Variants in ITPR1 observed in about 807,000 individuals in gnomAD.
ITPR1 encodes the protein inositol 1,4,5-trisphosphate receptor type 1.
Under a neutral mutation model 318.4 loss-of-function variants are expected in ITPR1, and 96 were observed. The ratio of observed to expected loss-of-function variants is 0.30; its 90% CI spans 0.26 to 0.36. ITPR1 has a LOEUF of 0.36. Among genes scored for constraint, ITPR1 ranks in the 10% least tolerant of loss-of-function variants. The pLI is 1.00. For synonymous variants in ITPR1, 1,312 were observed against 1,289.9 expected (o/e 1.02, Z -0.37); for missense variants, 2,440 against 3,460.2 (o/e 0.71, Z 7.40).
chr3:4,830,213 T>C (rs894939465), intron 60 of ITPR1, among the ~76,000 whole-genome samples: 10 of 152,020 alleles, frequency 6.6e-5, no homozygotes, highest in Admixed American at 2.6e-4. Flanking sequence ...TGACCTCAGG[T>C]GATCCGTCCA....
intron 40 of ITPR1, among the ~76,000 whole-genome samples, chr3:4,722,808 G>T (rs532799222): frequency 6.6e-6 from 1 of 152,262 alleles, no homozygotes; most frequent in South Asian, 2.1e-4. Context: ...GAAATTTACT[G>T]AAAATAAACC....
At chr3:4,676,822 G>A in intron 24 of ITPR1, 21 bp downstream of exon 24, 1 of 1,580,926 alleles carries the variant, frequency 6.3e-7, no homozygotes, top group Non-Finnish European at 8.6e-7. Flanking sequence ...GCTGGAGCTG[G>A]GGTAGGGAGG....
chr3:4,578,960 C>T (rs1006531798), intron 4 of ITPR1, among the ~76,000 whole-genome samples: 3 of 152,110 alleles, frequency 2.0e-5, no homozygotes, highest in African/African-American at 4.8e-5. Context: ...TCTGAGGCTT[C>T]CAAAATACTG....
rs1004960215 is a variant in ITPR1 at position 4,521,021 on chromosome 3, C to T, written c.93-3C>T. On this transcript the variant is annotated splice_region_variant and splice_polypyrimidine_tract_variant and intron_variant, in intron 3 of 61. Transcript: ENST00000649015. ...ACAGAGCATTTATCTGTCTTCTTTA[C>T]AGCCTGGTTGATGATCGTTGTGTTG... is the stretch of plus-strand genomic sequence containing the variant. 5 of 1,610,884 alleles carry T rather than the reference C, an allele frequency of 3.1e-6. No individual in the cohort carries two copies. The East Asian group carries it at 6.7e-5, about 22-fold the overall frequency.
chr3:4,824,874 G>C (rs530732090), intron 60 of ITPR1, among the ~76,000 whole-genome samples: 34 of 152,278 alleles, frequency 2.2e-4, no homozygotes, highest in South Asian at 8.3e-4. Context: ...CCCTTGCAAA[G>C]GATGTATCTG....
intron 54 of ITPR1, among the ~76,000 whole-genome samples, chr3:4,802,865 GAGAA>G (rs1412215667): frequency 6.6e-6 from 1 of 151,474 alleles, no homozygotes; most frequent in Non-Finnish European, 1.5e-5. Flanking sequence ...GAAAGAAAGA[GAGAA>G]AGAGAGATGA....
intron 12 of ITPR1, among the ~76,000 whole-genome samples, chr3:4,654,878 TC>T (rs1385411360): frequency 6.6e-6 from 1 of 152,194 alleles, no homozygotes; most frequent in Non-Finnish European, 1.5e-5. Context: ...ACTGAGGCCT[TC>T]CTGCTGTGGG....
At chr3:4,563,032 C>G (rs1197235375) in intron 4 of ITPR1, among the ~76,000 whole-genome samples, 2 of 152,128 alleles carry the variant, frequency 1.3e-5, no homozygotes, top group African/African-American at 4.8e-5. Context: ...TTGACACTTA[C>G]AAGTTTAGGA....
rs569054308 is a variant in ITPR1 at position 4,729,784 on chromosome 3, G to A, written c.5220+2611G>A. ...TTTTCTCAGTCTTAGGTAATAATGT[G>A]TGGGAATTTCTGACTGAGACAAACA... On this transcript the variant is annotated intron_variant, in intron 42 of 61. Coordinates refer to ENST00000649015, the MANE Select transcript of ITPR1 (RefSeq NM_001378452.1). 2.0e-5 allele frequency among the ~76,000 whole-genome samples: 3 copies of A among 152,298 alleles called. No individual in the cohort carries two copies. In the South Asian group the frequency reaches 6.2e-4, roughly 32 times the overall value.
chr3:4,535,004 A>G (rs745817901), intron 4 of ITPR1, among the ~76,000 whole-genome samples: 12 of 152,212 alleles, frequency 7.9e-5, no homozygotes, highest in Admixed American at 3.3e-4. Context: ...ACAATAACAT[A>G]CAGTTAGAAA....
rs753222753 is a variant in ITPR1 at position 4,652,116 on chromosome 3, C to T, written c.856-7C>T. 1 of 1,606,880 alleles carries T rather than the reference C, an allele frequency of 6.2e-7. No homozygotes were observed. The highest frequency in any genetic ancestry group is 8.5e-7 in the Non-Finnish European group (1 of 1,175,718). On this transcript the variant is annotated splice_polypyrimidine_tract_variant and splice_region_variant and intron_variant, in intron 10 of 61. Transcript: ENST00000649015. ...ATTTCATTGACTCCTGTTGATCATT[C>T]TTGCAGGTGGTCCAGCATGACCCAT...
intron 2 of ITPR1, among the ~76,000 whole-genome samples, chr3:4,510,335 T>G (rs761650776): frequency 6.6e-6 from 1 of 152,136 alleles, no homozygotes. Context: ...AGGGAAATGA[T>G]ATGGTCTGAT....
At chr3:4,517,351 G>A (rs968948914) in intron 3 of ITPR1, among the ~76,000 whole-genome samples, 2 of 152,112 alleles carry the variant, frequency 1.3e-5, no homozygotes, top group South Asian at 2.1e-4. Flanking sequence ...GTGAGGCCCC[G>A]GGGCGGCATT....
chr3:4,680,767 C>T, intron 25 of ITPR1, 76 bp downstream of exon 25: 2 of 1,314,906 alleles, frequency 1.5e-6, no homozygotes, highest in Non-Finnish European at 2.1e-6. Context: ...CAAACAGTAT[C>T]TTCTAGAAAA....
chr3:4,675,603 T>C (rs898337178), intron 23 of ITPR1, among the ~76,000 whole-genome samples: 2 of 152,230 alleles, frequency 1.3e-5, no homozygotes, highest in Non-Finnish European at 2.9e-5. Context: ...ATATAACAAA[T>C]ACATGTCCTA....
chr3:4,846,128 T>TAAC lies in ITPR1; in HGVS notation c.8191-10_8191-8dup. The stretch of plus-strand genomic sequence containing the variant: ...ATCTGGGTCTAATGATGAAACTTTT[T>TAAC]AACTTTCCAGATGACAGAACAAAGG... On this transcript the variant is annotated splice_polypyrimidine_tract_variant and intron_variant, in intron 61 of 61. Coordinates refer to ENST00000649015, the MANE Select transcript of ITPR1 (RefSeq NM_001378452.1). 2 of 1,532,716 alleles carry TAAC rather than the reference T, an allele frequency of 1.3e-6. No homozygotes were observed. The highest frequency in any genetic ancestry group is 2.4e-5 in the South Asian group (2 of 82,176). The allele number at this position is 1,532,716 out of a possible 1,614,324, so 94.9% of individuals were successfully genotyped here. A position where few individuals can be genotyped will look rare whatever the true frequency, so the allele number is the denominator to read the frequency against.
intron 44 of ITPR1, among the ~76,000 whole-genome samples, chr3:4,742,878 G>A (rs550084956): frequency 3.3e-5 from 5 of 152,268 alleles, no homozygotes; most frequent in African/African-American, 9.6e-5. Flanking sequence ...CATCCAGCAG[G>A]CCTGGGGGAC....
At chr3:4,828,804 A>AT (rs1192341431) in intron 60 of ITPR1, among the ~76,000 whole-genome samples, 1 of 152,214 alleles carries the variant, frequency 6.6e-6, no homozygotes. Flanking sequence ...CCAGCTGAAG[A>AT]TTATATAATG....
At chr3:4,684,146 G>T (rs2094349629) in intron 28 of ITPR1, 135 bp from the exon 29 acceptor site, 1 of 665,566 alleles carries the variant, frequency 1.5e-6, no homozygotes, top group Non-Finnish European at 2.7e-6. Context: ...TAGATGACTG[G>T]GGCATAAGCC....
Sources: allele counts gnomAD v4.1 joint callset (sites outside exome capture counted in the v4.1 genomes callset), GRCh38; gene constraint gnomAD v4.1.1; transcripts MANE v1.5; gene names NCBI Gene and HGNC (gene_info 2026-07-23, HGNC 2026-07-21).